The following DGCR8 variants were observed in gnomAD, a reference collection of about 807,000 sequenced individuals.
DGCR8 encodes microprocessor complex subunit DGCR8.
Under a neutral mutation model 78.5 loss-of-function variants are expected in DGCR8, and 14 were observed. The ratio of observed to expected loss-of-function variants is 0.18; its 90% CI spans 0.12 to 0.28. The LOEUF (loss-of-function observed/expected upper bound fraction) is 0.28, where lower values mean the gene tolerates loss of function less well. Among genes scored for constraint, DGCR8 ranks in the 10% least tolerant of loss-of-function variants. DGCR8 has a pLI of 1.00. For synonymous variants in DGCR8, 399 were observed against 402.4 expected (o/e 0.99, Z 0.10); for missense variants, 702 against 1,022.5 (o/e 0.69, Z 4.28).
rs2049532153 is a variant in DGCR8 at position 20,089,914 on chromosome 22, C to A, written c.1024-62C>A. On this transcript the variant is annotated intron_variant, in intron 4 of 13. Transcript: ENST00000351989. This position sits in a 1 kb window ranked among gnomAD's most constrained non-coding sequence, Gnocchi z 4.9. ...CAGCCAAGCAGAGGCCGGTGAAAGGCATCAGAGTTTCAGACTCTCGGGTTG... is the reference window on the plus strand; with the variant it reads ...CAGCCAAGCAGAGGCCGGTGAAAGGAATCAGAGTTTCAGACTCTCGGGTTG... 2 of 1,586,322 alleles carry A rather than the reference C, an allele frequency of 1.3e-6. No homozygotes were observed. Among genetic ancestry groups the A allele is most frequent in the Non-Finnish European group, 1.7e-6 (2 of 1,164,272 alleles).
Position 20,094,841 on chromosome 22 carries a change from G to A in DGCR8, c.1788+46G>A, listed in dbSNP as rs532998152. The A allele has an allele frequency of 1.1e-5, 17 of 1,543,168 alleles. No homozygotes were observed. In the African/African-American group the frequency reaches 1.8e-4, roughly 16 times the overall value. ...CTGCTGGGAGCTGTGTGTGCAGTGCGGCTACCCTGCCCTGTTAGTGTGAGC... is the reference window on the plus strand; with the variant it reads ...CTGCTGGGAGCTGTGTGTGCAGTGCAGCTACCCTGCCCTGTTAGTGTGAGC... On this transcript the variant is annotated intron_variant, in intron 9 of 13. Transcript: ENST00000351989.
chr22:20,082,555 G>A (rs898410969), intron 1 of DGCR8, among the ~76,000 whole-genome samples: 6 of 151,934 alleles, frequency 3.9e-5, no homozygotes, highest in African/African-American at 1.5e-4. Context: ...TTTTAATAGA[G>A]ACGGGGTTTC....
At chr22:20,092,285 C>T (rs1300424245) in intron 7 of DGCR8, among the ~76,000 whole-genome samples, 1 of 152,212 alleles carries the variant, frequency 6.6e-6, no homozygotes, top group Non-Finnish European at 1.5e-5. Flanking sequence ...CCACTGTGCA[C>T]TGGGTCCTTT....
chr22:20,080,739 G>C (rs1425980540), intron 1 of DGCR8: 1 of 153,168 alleles, frequency 6.5e-6, no homozygotes, highest in Non-Finnish European at 1.5e-5. Context: ...ACACAGTTTG[G>C]GAAATCCAAG....
intron 7 of DGCR8, 61 bp from the exon 8 acceptor site, chr22:20,092,748 T>G: frequency 6.9e-7 from 1 of 1,444,150 alleles, no homozygotes; most frequent in Non-Finnish European, 9.7e-7. Context: ...GTGGGCAGAC[T>G]GTGCACACGC....
chr22:20,109,164 GTGTGATAGTTTTATA>G, intron 13 of DGCR8, 161 bp downstream of exon 13: 1 of 541,326 alleles, frequency 1.8e-6, no homozygotes, highest in South Asian at 2.0e-5. Flanking sequence ...GCTTCGACAT[GTGTGATAGTTTTATA>G]AATCACTTCA....
At chr22:20,097,837 A>G (rs1165175986) in intron 9 of DGCR8, among the ~76,000 whole-genome samples, 1 of 131,658 alleles carries the variant, frequency 7.6e-6, no homozygotes, top group Non-Finnish European at 1.6e-5. Context: ...TTTTTTAATT[A>G]TATATATAGG....
intron 9 of DGCR8, among the ~76,000 whole-genome samples, chr22:20,105,727 C>CT (rs2049761642): frequency 6.6e-6 from 1 of 152,198 alleles, no homozygotes; most frequent in Non-Finnish European, 1.5e-5. Context: ...GGGCTTTGGC[C>CT]TTTGGGGAGC....
chr22:20,105,289 G>A lies in DGCR8; in HGVS notation c.1789-888G>A, dbSNP rs548846807. ...AGGAGCTGGCAGAGGCTCCCTAGAG[G>A]CTTCTGAAAGAGGATGGCCCTGCTG... On this transcript the variant is annotated intron_variant, in intron 9 of 13. Transcript: ENST00000351989. 2.6e-5 allele frequency among the ~76,000 whole-genome samples: 4 copies of A among 152,322 alleles called. No individual in the cohort carries two copies. In the East Asian group the frequency reaches 7.7e-4, roughly 29 times the overall value.
At chr22:20,092,016 T>C (rs1338420318) in intron 7 of DGCR8, 46 bp downstream of exon 7, 2 of 1,518,094 alleles carry the variant, frequency 1.3e-6, no homozygotes, top group Non-Finnish European at 1.8e-6. Flanking sequence ...TCACAAGGTG[T>C]AACTTTGGTC....
At chr22:20,084,384 T>C (rs2049454408) in intron 1 of DGCR8, among the ~76,000 whole-genome samples, 1 of 152,254 alleles carries the variant, frequency 6.6e-6, no homozygotes, top group Non-Finnish European at 1.5e-5. Flanking sequence ...TGCGTGTGTC[T>C]GCATGTGTTC....
At chr22:20,088,700 A>G (rs1364912532) in intron 3 of DGCR8, among the ~76,000 whole-genome samples, 2 of 152,226 alleles carry the variant, frequency 1.3e-5, no homozygotes, top group Non-Finnish European at 2.9e-5. Context: ...TACAGGTGTC[A>G]GGTCCAGGGT....
intron 9 of DGCR8, chr22:20,096,556 C>A: frequency 1.2e-6 from 1 of 863,842 alleles, no homozygotes; most frequent in Non-Finnish European, 1.4e-6. Context: ...TAAATTTGGC[C>A]TTTTAAACTA....
At chr22:20,094,668 G>C in intron 8 of DGCR8, 45 bp from the exon 9 acceptor site, 2 of 1,548,516 alleles carry the variant, frequency 1.3e-6, no homozygotes, top group Non-Finnish European at 1.8e-6. Context: ...GTGGTGAGAA[G>C]AGGGCAGTGC....
rs772706144 is a variant in DGCR8, at chr22:20,090,034, A to G, written c.1082A>G (p.Asn361Ser). The G allele has an allele frequency of 3.5e-5, 56 of 1,614,064 alleles. No individual in the cohort carries two copies. Among genetic ancestry groups the G allele is most frequent in the Admixed American group, 3.3e-5 (2 of 60,002 alleles). Residue 361 changes from asparagine (N) to serine (S), a missense_variant, in exon 5 of 14, where the codon AAC (asparagine) becomes AGC (serine). Asn to Ser is a conservative substitution (Grantham distance 46). Coordinates refer to ENST00000351989, the MANE Select transcript of DGCR8 (RefSeq NM_022720.7). Reference sequence around the variant, plus strand: ...CTGCATTATAAGAAAATGAAGGACAACGAGGAACGGGAGCAAAGCAGTGAC... The same window carrying G: ...CTGCATTATAAGAAAATGAAGGACAGCGAGGAACGGGAGCAAAGCAGTGAC... ...PCLHYKKMKD[N>S]EEREQSSDLT...
chr22:20,091,743 C>T, intron 6 of DGCR8, 111 bp downstream of exon 6: 1 of 1,500,746 alleles, frequency 6.7e-7, no homozygotes, highest in South Asian at 1.1e-5. Flanking sequence ...TTATGTTTAT[C>T]CCATGAATGC....
rs950365729 is a variant in DGCR8 at position 20,089,112 on chromosome 22, A to T, written c.881-557A>T. Among the ~76,000 whole-genome samples the T allele has an allele frequency of 3.9e-5, 6 of 152,242 alleles. No homozygotes were observed. The highest frequency in any genetic ancestry group is 1.4e-4 in the African/African-American group (6 of 41,464). On this transcript the variant is annotated intron_variant, in intron 3 of 13. Coordinates refer to ENST00000351989, the MANE Select transcript of DGCR8 (RefSeq NM_022720.7). This position sits in a 1 kb window ranked among gnomAD's most constrained non-coding sequence, Gnocchi z 4.9. Reference sequence around the variant, plus strand: ...AGGCCTGGTGGCAGGTGTCAAGTTGATAAGTCGTAAACCTCTTCCTCACAA... The same window carrying T: ...AGGCCTGGTGGCAGGTGTCAAGTTGTTAAGTCGTAAACCTCTTCCTCACAA...
intron 1 of DGCR8, among the ~76,000 whole-genome samples, chr22:20,082,407 C>T (rs2049428937): frequency 6.6e-6 from 1 of 151,678 alleles, no homozygotes; most frequent in Non-Finnish European, 1.5e-5. Flanking sequence ...CGCTTTGTTG[C>T]TCAGGCTGGA....
chr22:20,093,558 A>C (rs2147925402), intron 8 of DGCR8, among the ~76,000 whole-genome samples: 1 of 152,354 alleles, frequency 6.6e-6, no homozygotes, highest in African/African-American at 2.4e-5. Context: ...TAAACTGAGC[A>C]GCATGTGGGC....
Sources: allele counts gnomAD v4.1 joint callset (sites outside exome capture counted in the v4.1 genomes callset), GRCh38; gene constraint gnomAD v4.1.1; non-coding constraint Gnocchi (gnomAD v3.1); transcripts MANE v1.5; gene names NCBI Gene and HGNC (gene_info 2026-07-23, HGNC 2026-07-21).